Variants in CHN1 observed in about 807,000 individuals in gnomAD.
CHN1 encodes N-chimaerin.
A neutral mutation model predicts 59.5 loss-of-function variants in CHN1; 37 were observed. The observed-to-expected ratio is 0.62, with a 90% confidence interval of 0.48 to 0.82. CHN1 has a LOEUF of 0.82. CHN1 is among the 40% of genes least tolerant of loss of function. The pLI is 0.00. For missense variants in CHN1, 469 were observed against 571.0 expected, an observed-to-expected ratio of 0.82 and a Z score of 1.82; for synonymous variants, 206 against 200.4, an observed-to-expected ratio of 1.03 and a Z score of -0.24.
Position 174,931,427 on chromosome 2 carries a change from C to T in CHN1, c.115-12862G>A, listed in dbSNP as rs563203216. ...ACTCCTGTGCCAAACTCAATGCTCC[C>T]ACCTAATAGAATATGTCCTCTAAAA... On this transcript the variant is annotated intron_variant, in intron 3 of 12. Coordinates refer to ENST00000409900, the MANE Select transcript of CHN1 (RefSeq NM_001822.7). Among the ~76,000 whole-genome samples, 7 of 152,310 alleles carry T rather than the reference C, an allele frequency of 4.6e-5. No homozygotes were observed. The East Asian group carries it at 1.4e-3, about 29-fold the overall frequency.
At chr2:174,988,501 G>A (rs62184826) in intron 1 of CHN1, among the ~76,000 whole-genome samples, 48,115 of 151,928 alleles carry the variant, frequency 0.32, 8,860 homozygotes, top group Admixed American at 0.45. Flanking sequence ...AGAGTGTACC[G>A]TTTTGCAAAT....
At chr2:174,817,736 C>G (rs1278184256) in intron 8 of CHN1, among the ~76,000 whole-genome samples, 4 of 151,256 alleles carry the variant, frequency 2.6e-5, no homozygotes, top group African/African-American at 9.7e-5. Flanking sequence ...CTCCCAGGTT[C>G]ATGCCATTCT....
chr2:174,834,134 A>G (rs1475851798), intron 7 of CHN1, among the ~76,000 whole-genome samples: 1 of 152,052 alleles, frequency 6.6e-6, no homozygotes, highest in African/African-American at 2.4e-5. Flanking sequence ...CTTACAGTCT[A>G]CCTCCAAATA....
intron 4 of CHN1, among the ~76,000 whole-genome samples, chr2:174,917,913 A>G (rs1027100903): frequency 7.2e-5 from 11 of 152,154 alleles, no homozygotes; most frequent in Non-Finnish European, 1.6e-4. Flanking sequence ...CTGAAAAATT[A>G]AGGACTTTAA....
In CHN1 at chr2:175,005,210, G is replaced by T. The variant is rs879722535; in HGVS notation, c.-298C>A. 3.0e-5 allele frequency: 36 copies of T among 1,212,412 alleles called. No individual in the cohort carries two copies. In the Admixed American group the frequency reaches 5.4e-4, roughly 18 times the overall value. 75.1% of individuals were successfully genotyped at this position (1,212,412 alleles called of 1,614,324 possible). On this transcript the variant is annotated 5_prime_UTR_variant, in exon 1 of 13. Transcript: ENST00000409900. ...CGTGCGCGCGGGAGGAGGTACCTGCGAGGCAGGAGGCTTGGCCGCGGCGCA... is the reference window on the plus strand; with the variant it reads ...CGTGCGCGCGGGAGGAGGTACCTGCTAGGCAGGAGGCTTGGCCGCGGCGCA...
intron 1 of CHN1, among the ~76,000 whole-genome samples, chr2:174,962,663 C>CGGGG (rs539001023): frequency 1.7e-4 from 3 of 18,056 alleles, no homozygotes; most frequent in Admixed American, 7.3e-4. Flanking sequence ...TTGGAAGGCC[C>CGGGG]GGGGGGGGGG....
At chr2:174,926,506 C>T (rs981753505) in intron 3 of CHN1, among the ~76,000 whole-genome samples, 1 of 152,162 alleles carries the variant, frequency 6.6e-6, no homozygotes, top group African/African-American at 2.4e-5. Context: ...TGTTGACTTT[C>T]ACCCTGGCAT....
chr2:174,848,933 C>T (rs1478432763), intron 6 of CHN1, among the ~76,000 whole-genome samples: 1 of 152,056 alleles, frequency 6.6e-6, no homozygotes, highest in African/African-American at 2.4e-5. Context: ...TCAGATTGGA[C>T]CTATTTTGTC....
chr2:174,847,201 A>C, intron 6 of CHN1: 1 of 1,482,004 alleles, frequency 6.7e-7, no homozygotes, highest in Non-Finnish European at 9.0e-7. Context: ...CAGCTAACAC[A>C]TGAGCATTCT....
At chr2:174,846,459 T>G in intron 7 of CHN1, 1 of 1,513,438 alleles carries the variant, frequency 6.6e-7, no homozygotes, top group Non-Finnish European at 8.8e-7. Context: ...GCAAACCATC[T>G]GCTCAATCCA....
At chr2:174,978,240 T>C (rs1284252718) in intron 1 of CHN1, among the ~76,000 whole-genome samples, 3 of 152,234 alleles carry the variant, frequency 2.0e-5, no homozygotes, top group African/African-American at 7.2e-5. Flanking sequence ...ACCTAGAACA[T>C]TTCCCACTCC....
chr2:174,891,151 A>AG (rs1688034763), intron 5 of CHN1, among the ~76,000 whole-genome samples: 5 of 149,284 alleles, frequency 3.3e-5, no homozygotes, highest in Admixed American at 3.3e-4. Flanking sequence ...AAAAAAAAAA[A>AG]AAAAAAAAAA....
At chr2:174,882,797 A>T (rs542901531) in intron 5 of CHN1, among the ~76,000 whole-genome samples, 1 of 152,340 alleles carries the variant, frequency 6.6e-6, no homozygotes, top group East Asian at 1.9e-4. Flanking sequence ...TTCAATCATA[A>T]GATACTCTTG....
chr2:174,912,489 G>A (rs1688732778), intron 5 of CHN1, among the ~76,000 whole-genome samples: 1 of 152,312 alleles, frequency 6.6e-6, no homozygotes. Context: ...TGAGATTGAG[G>A]TGCCTATGAG....
rs12994207 is a variant in CHN1 at position 174,799,149 on chromosome 2, C to A, written c.*967G>T. 0.048 allele frequency among the ~76,000 whole-genome samples: 7,304 copies of A among 152,300 alleles called. 286 individuals are homozygous for A. The highest frequency in any genetic ancestry group is 0.098 in the African/African-American group (4,085 of 41,562). ...TCTTCTGAGAGCTCTGGTAGGAACT[C>A]CTGCCCAACCTCTCATTAAAAAGTA... On this transcript the variant is annotated 3_prime_UTR_variant, in exon 13 of 13. Transcript: ENST00000409900.
chr2:174,998,525 C>A (rs1691785640), intron 1 of CHN1, among the ~76,000 whole-genome samples: 1 of 151,966 alleles, frequency 6.6e-6, no homozygotes, highest in Admixed American at 6.6e-5. Context: ...CATATGCAAT[C>A]CAAAGGAATC....
chr2:174,983,467 G>T (rs565861451), intron 1 of CHN1, among the ~76,000 whole-genome samples: 80 of 152,062 alleles, frequency 5.3e-4, no homozygotes, highest in African/African-American at 1.8e-3. Context: ...ACAGGGATCA[G>T]AAAAGAAATG....
intron 7 of CHN1, among the ~76,000 whole-genome samples, chr2:174,836,234 C>A (rs1686073062): frequency 6.6e-6 from 1 of 152,174 alleles, no homozygotes; most frequent in Admixed American, 6.5e-5. Context: ...TTCCTTCTTT[C>A]AGTTGTCACA....
In CHN1 at chr2:174,903,579, C is replaced by T. The variant is rs536664776; in HGVS notation, c.260+11479G>A. ...GTACTATAATTTATCATTCTAAACA[C>T]TTTTATTTCAAAATTTTTTAACCAT... On this transcript the variant is annotated intron_variant, in intron 5 of 12. Coordinates refer to ENST00000409900, the MANE Select transcript of CHN1 (RefSeq NM_001822.7). Among the ~76,000 whole-genome samples, 4 of 152,200 alleles carry T rather than the reference C, an allele frequency of 2.6e-5. 1 individual carries two copies. Among genetic ancestry groups the T allele is most frequent in the African/African-American group, 9.6e-5 (4 of 41,514 alleles).
Sources: gnomAD v4.1 joint callset for allele counts (sites outside exome capture counted in the v4.1 genomes callset) on GRCh38, gnomAD v4.1.1 for gene constraint, MANE v1.5 for transcripts, NCBI Gene and HGNC (gene_info 2026-07-23, HGNC 2026-07-21) for gene names.